The following NUP98 variants were observed in gnomAD, a reference collection of about 807,000 sequenced individuals.
NUP98 encodes the protein nucleoporin 98 and 96 precursor, also known as nuclear pore complex protein Nup98-Nup96.
Under a neutral mutation model 191.9 loss-of-function variants are expected in NUP98, and 26 were observed. The observed-to-expected ratio is 0.14, with a 90% CI of 0.10 to 0.19. The LOEUF (loss-of-function observed/expected upper bound fraction) is 0.19, where lower values mean the gene tolerates loss of function less well. Among genes scored for constraint, NUP98 ranks in the 10% least tolerant of loss-of-function variants. The pLI is 1.00. For missense variants in NUP98, 1,941 were observed against 2,178.8 expected (o/e 0.89, Z 2.17); for synonymous variants, 808 against 778.4 (o/e 1.04, Z -0.63).
At chr11:3,727,387 A>T (rs2079660556) in intron 14 of NUP98, among the ~76,000 whole-genome samples, 1 of 152,192 alleles carries the variant, frequency 6.6e-6, no homozygotes, top group African/African-American at 2.4e-5. Context: ...CTCCTGAACA[A>T]AATTTTACAA....
At chr11:3,786,252 C>A (rs1474766404) in intron 1 of NUP98, among the ~76,000 whole-genome samples, 2 of 152,148 alleles carry the variant, frequency 1.3e-5, no homozygotes, top group African/African-American at 2.4e-5. Flanking sequence ...AAATGGGGAA[C>A]CTACAAAACC....
intron 21 of NUP98, among the ~76,000 whole-genome samples, 153 bp from the exon 22 acceptor site, chr11:3,705,509 C>G (rs2078833515): frequency 6.6e-6 from 1 of 152,222 alleles, no homozygotes; most frequent in South Asian, 2.1e-4. Context: ...CCCCATTACA[C>G]TGTGTGTGCC....
At chr11:3,754,941 C>CAAAA (rs34606573) in intron 10 of NUP98, among the ~76,000 whole-genome samples, 15 of 66,226 alleles carry the variant, frequency 2.3e-4, no homozygotes, top group African/African-American at 9.1e-4. Flanking sequence ...GACACTATCT[C>CAAAA]AAAAAAAAAA....
At chr11:3,753,636 C>A (rs986818947) in intron 10 of NUP98, among the ~76,000 whole-genome samples, 1 of 151,580 alleles carries the variant, frequency 6.6e-6, no homozygotes. Flanking sequence ...AAAGGCCATG[C>A]GCGGTGGCTC....
chr11:3,792,197 A>C lies in NUP98; in HGVS notation c.-29+5203T>G, dbSNP rs895113399. 3.4e-4 allele frequency among the ~76,000 whole-genome samples: 50 copies of C among 147,896 alleles called. No homozygotes were observed. In the East Asian group the frequency reaches 4.6e-3, roughly 14 times the overall value. On this transcript the variant is annotated intron_variant, in intron 1 of 32. Coordinates refer to ENST00000324932, the MANE Select transcript of NUP98 (RefSeq NM_016320.5). ...CCATCTCAAAAAAAAAAAAAAAAAA[A>C]AAAAAAAAAAAACATGTATTCACCA...
intron 8 of NUP98, among the ~76,000 whole-genome samples, chr11:3,766,499 G>A (rs1018978487): frequency 2.0e-5 from 3 of 152,086 alleles, no homozygotes; most frequent in Middle Eastern, 3.2e-3. Flanking sequence ...AGACCAGCCT[G>A]ACCAACATAG....
In NUP98 at chr11:3,693,361, T is replaced by C; in HGVS notation, c.4182A>G (p.Ser1394=). The C allele has an allele frequency of 6.2e-7, 1 of 1,614,212 alleles. No individual in the cohort carries two copies. Among genetic ancestry groups the C allele is most frequent in the South Asian group, 1.1e-5 (1 of 91,082 alleles). ...AGCACACGTTTATTTGCTTCTTTTC[T>C]GAGAGCTGCCACACCTGTGCGAAAC... ...LLAGKPVWQL[S]EKKQINVCSQ... is the part of the protein sequence containing the mutation. The change falls in exon 27 of 33, where the codon TCA becomes TCG. Residue 1394 remains serine (S), a synonymous_variant. Transcript: ENST00000324932.
chr11:3,710,370 TTA>T (rs1242080720), intron 20 of NUP98, among the ~76,000 whole-genome samples: 11 of 152,234 alleles, frequency 7.2e-5, no homozygotes, highest in African/African-American at 1.9e-4. Flanking sequence ...TTAGTTACCT[TTA>T]TGTTTTCTGG....
At chr11:3,786,545 ACT>A (rs773879599) in intron 1 of NUP98, among the ~76,000 whole-genome samples, 201 of 152,230 alleles carry the variant, frequency 1.3e-3, no homozygotes, top group Non-Finnish European at 2.3e-3. Flanking sequence ...CCTTAATTTT[ACT>A]CTGTCCTCTA....
At chr11:3,735,141 A>C (rs1487923327) in intron 13 of NUP98, 50 bp downstream of exon 13, 1 of 1,489,922 alleles carries the variant, frequency 6.7e-7, no homozygotes, top group Non-Finnish European at 9.0e-7. Context: ...CTGCACATTC[A>C]GTTTCTCTTT....
chr11:3,711,777 A>T, intron 20 of NUP98: 8 of 786,044 alleles, frequency 1.0e-5, no homozygotes, highest in Non-Finnish European at 1.3e-5. Flanking sequence ...TCCCACATTT[A>T]TCATACCCTC....
At chr11:3,743,947 T>TG (rs1465275553) in intron 12 of NUP98, among the ~76,000 whole-genome samples, 2 of 151,982 alleles carry the variant, frequency 1.3e-5, no homozygotes, top group Non-Finnish European at 2.9e-5. Flanking sequence ...TAATCCCAGC[T>TG]ACTCAGGAAG....
chr11:3,683,386 T>G lies in NUP98; in HGVS notation c.4732A>C (p.Thr1578Pro). The G allele has an allele frequency of 6.2e-7, 1 of 1,613,952 alleles. No individual in the cohort carries two copies. Among genetic ancestry groups the G allele is most frequent in the Non-Finnish European group, 8.5e-7 (1 of 1,180,000 alleles). ...LLTRHCQLLE[T>P]PESWAKETFL... is the part of the protein sequence containing the mutation. Reference sequence around the variant, plus strand: ...GTCTCTTTAGCCCAAGATTCAGGGGTCTCCAACAGCTGGCAGTGCCGGGTA... The same window carrying G: ...GTCTCTTTAGCCCAAGATTCAGGGGGCTCCAACAGCTGGCAGTGCCGGGTA... The change falls in exon 30 of 33, where the codon ACC becomes CCC. Residue 1578 changes from threonine (T) to proline (P), a missense_variant. Thr to Pro is a conservative substitution (Grantham distance 38). Around this residue, in one of 6 missense-constraint regions of NUP98, gnomAD observed 1,030 missense variants for 1,115.8 expected, o/e 0.92. Coordinates refer to ENST00000324932, the MANE Select transcript of NUP98 (RefSeq NM_016320.5).
intron 4 of NUP98, among the ~76,000 whole-genome samples, chr11:3,777,403 A>G (rs980518412): frequency 2.4e-4 from 37 of 152,126 alleles, no homozygotes; most frequent in Admixed American, 7.9e-4. Flanking sequence ...CGGGTGGATC[A>G]CAAGGTCAGG....
Position 3,720,787 on chromosome 11 carries a change from A to G in NUP98, c.2185T>C (p.Ser729Pro), listed in dbSNP as rs1356102829. The change falls in exon 17 of 33, where the codon TCT becomes CCT. Residue 729 changes from serine to proline, a missense_variant. Transcript: ENST00000324932. ...GTAATTTTAGCAAGGTCATCCATAG[A>G]TGGAATAGTATAGTAACCAACCTTA... Reference protein sequence around the residue: ...LTKVGYYTIPSMDDLAKITNE... With the variant: ...LTKVGYYTIPPMDDLAKITNE... 3 of 1,512,864 alleles carry G rather than the reference A, an allele frequency of 2.0e-6. No individual in the cohort carries two copies. The highest frequency in any genetic ancestry group is 1.7e-4 in the Middle Eastern group (1 of 5,758). The allele number at this position is 1,512,864 out of a possible 1,614,324, so 93.7% of individuals were successfully genotyped here. A position where few individuals can be genotyped will look rare whatever the true frequency, so the allele number is the denominator to read the frequency against.
chr11:3,699,991 G>A (rs2078626368), intron 24 of NUP98, among the ~76,000 whole-genome samples: 1 of 152,132 alleles, frequency 6.6e-6, no homozygotes, highest in South Asian at 2.1e-4. Flanking sequence ...CCAGGAAGAG[G>A]AATTACAACA....
intron 1 of NUP98, among the ~76,000 whole-genome samples, chr11:3,796,179 C>A (rs898629603): frequency 1.2e-4 from 18 of 152,310 alleles, no homozygotes; most frequent in African/African-American, 4.3e-4. Flanking sequence ...CTTCTTCCTC[C>A]AAAACGGAGT....
intron 20 of NUP98, 182 bp downstream of exon 20, chr11:3,712,382 A>T: frequency 7.2e-7 from 1 of 1,397,534 alleles, no homozygotes; most frequent in Non-Finnish European, 9.3e-7. Context: ...AAATCTCTCC[A>T]GTAAAAAGAC....
chr11:3,753,432 G>T (rs1356464912), intron 10 of NUP98, 24 bp from the exon 11 acceptor site: 6 of 1,557,418 alleles, frequency 3.9e-6, no homozygotes, highest in Non-Finnish European at 5.3e-6. Flanking sequence ...AGAATGAGTG[G>T]ATTGTACTTT....
Sources: allele counts gnomAD v4.1 joint callset (sites outside exome capture counted in the v4.1 genomes callset), GRCh38; gene constraint gnomAD v4.1.1; regional missense constraint gnomAD v4.1.1; transcripts MANE v1.5; gene names NCBI Gene and HGNC (gene_info 2026-07-23, HGNC 2026-07-21).